EML1: variants seen among roughly 807,000 people sequenced by gnomAD.
The protein encoded by EML1 is EMAP like 1.
A neutral mutation model predicts 110.4 loss-of-function variants in EML1; 27 were observed. That is an observed-to-expected ratio of 0.24 (90% CI 0.18 to 0.34). The LOEUF is 0.34. EML1 is among the 10% of genes least tolerant of loss of function. EML1 has a pLI of 1.00. For synonymous variants in EML1, 344 were observed against 385.8 expected, an observed-to-expected ratio of 0.89 and a Z score of 1.27; for missense variants, 741 against 1,030.9, an observed-to-expected ratio of 0.72 and a Z score of 3.85.
At chr14:99,748,049 G>A (rs2057132706) in intron 1 of EML1, among the ~76,000 whole-genome samples, 1 of 152,212 alleles carries the variant, frequency 6.6e-6, no homozygotes, top group Admixed American at 6.5e-5. Context: ...TGGGTGCCTG[G>A]GAGGAGCCCC....
At chr14:99,850,349 A>C in intron 1 of EML1, 1 of 1,289,066 alleles carries the variant, frequency 7.8e-7, no homozygotes, top group Non-Finnish European at 1.0e-6. Flanking sequence ...AAATATGATT[A>C]CCATAATTGT....
At chr14:99,810,533 C>T (rs1394869236) in intron 1 of EML1, among the ~76,000 whole-genome samples, 2 of 152,188 alleles carry the variant, frequency 1.3e-5, no homozygotes, top group Admixed American at 6.5e-5. Context: ...TTCCAATCCT[C>T]GTGGCTTTTC....
At chr14:99,812,602 A>G (rs948977126) in intron 1 of EML1, among the ~76,000 whole-genome samples, 10 of 151,900 alleles carry the variant, frequency 6.6e-5, no homozygotes, top group African/African-American at 2.4e-4. Context: ...TGCCTGGCTC[A>G]GAGGTGTCTT....
intron 1 of EML1, among the ~76,000 whole-genome samples, chr14:99,831,991 G>C (rs994443581): frequency 6.6e-6 from 1 of 151,968 alleles, no homozygotes; most frequent in Admixed American, 6.6e-5. Context: ...CCACAATCAA[G>C]ATAATGAAGA....
chr14:99,759,922 C>A (rs2057296059), intron 1 of EML1, among the ~76,000 whole-genome samples: 1 of 151,894 alleles, frequency 6.6e-6, no homozygotes, highest in Non-Finnish European at 1.5e-5. Context: ...GCCTGACCAA[C>A]ATGATGAAAC....
chr14:99,877,485 G>A (rs1032474372), intron 3 of EML1, among the ~76,000 whole-genome samples: 5 of 152,116 alleles, frequency 3.3e-5, no homozygotes, highest in Admixed American at 6.5e-5. Context: ...TTCCATCTGT[G>A]TCATAACAAC....
At chr14:99,834,215 A>G (rs1403099153) in intron 1 of EML1, among the ~76,000 whole-genome samples, 1 of 152,070 alleles carries the variant, frequency 6.6e-6, no homozygotes, top group Non-Finnish European at 1.5e-5. Context: ...TGATATTTGA[A>G]TGTTAAACCA....
intron 3 of EML1, among the ~76,000 whole-genome samples, chr14:99,877,194 G>GA (rs987894768): frequency 2.0e-5 from 3 of 152,258 alleles, no homozygotes; most frequent in Non-Finnish European, 2.9e-5. Flanking sequence ...TCACATGGTG[G>GA]AAAAGGGTAA....
chr14:99,905,348 C>A lies in EML1; in HGVS notation c.1009-2290C>A, dbSNP rs551138937. On this transcript the variant is annotated intron_variant, in intron 9 of 21. Coordinates refer to ENST00000262233, the MANE Select transcript of EML1 (RefSeq NM_004434.3). This position sits in a 1 kb window ranked among gnomAD's most constrained non-coding sequence, Gnocchi z 4.1. The stretch of plus-strand genomic sequence containing the variant: ...CATCGTTGTTAATCCAGCCTCCAAC[C>A]AGGAGCTTCAACTTACGGTCTCTGG... 6.6e-6 allele frequency among the ~76,000 whole-genome samples: 1 copy of A among 152,198 alleles called. No homozygotes were observed. The highest frequency in any genetic ancestry group is 1.5e-5 in the Non-Finnish European group (1 of 68,044).
At chr14:99,766,459 G>T (rs1013356107) in intron 1 of EML1, among the ~76,000 whole-genome samples, 2 of 152,114 alleles carry the variant, frequency 1.3e-5, no homozygotes, top group Admixed American at 6.5e-5. Flanking sequence ...CTCCCAAATT[G>T]CTGGGATTAC....
At chr14:99,880,263 C>T (rs7161666) in intron 4 of EML1, among the ~76,000 whole-genome samples, 47 of 152,250 alleles carry the variant, frequency 3.1e-4, no homozygotes, top group African/African-American at 1.1e-3. Context: ...GTTACTGTCT[C>T]CTCTTAGGCA....
rs71113220 is a variant in EML1 at position 99,739,119 on chromosome 14, AGTGTGTGTGTGTGTGT to A, written c.28+1280_28+1295del. 1.2e-3 allele frequency among the ~76,000 whole-genome samples: 164 copies of A among 134,994 alleles called. 1 individual carries two copies. The highest frequency in any genetic ancestry group is 5.8e-4 in the Non-Finnish European group (37 of 63,480). The allele number at this position is 134,994 out of a possible 152,430, so 88.6% of individuals were successfully genotyped here. A position where few individuals can be genotyped will look rare whatever the true frequency, so the allele number is the denominator to read the frequency against. ...GAGAGAGAGACAGAGAGAGAGAGAG[AGTGTGTGTGTGTGTGT>A]GTGTGTGTGTGTGTGTGTGTTGGGG... On this transcript the variant is annotated intron_variant, in intron 1 of 10. Transcript: ENST00000554479.
intron 2 of EML1, among the ~76,000 whole-genome samples, chr14:99,863,737 A>C (rs143837494): frequency 6.6e-6 from 1 of 152,378 alleles, no homozygotes; most frequent in Admixed American, 6.5e-5. Flanking sequence ...CACCTATCAG[A>C]GGACATCTTG....
intron 17 of EML1, 81 bp from the exon 18 acceptor site, chr14:99,935,948 G>A (rs148956789): frequency 1.5e-6 from 2 of 1,310,500 alleles, no homozygotes; most frequent in Non-Finnish European, 2.2e-6. Context: ...CTAAATCTGT[G>A]GTGGCAGCTA....
upstream of EML1, among the ~76,000 whole-genome samples, chr14:99,769,341 T>C (rs759967047): frequency 7.2e-5 from 11 of 152,150 alleles, no homozygotes; most frequent in Non-Finnish European, 1.3e-4. Context: ...TTTTCTCCCA[T>C]CACAGGGCCC....
intron 1 of EML1, among the ~76,000 whole-genome samples, chr14:99,824,017 C>T (rs1011683872): frequency 1.3e-5 from 2 of 152,066 alleles, no homozygotes; most frequent in African/African-American, 2.4e-5. Context: ...AGTGCCGTGG[C>T]GCGATCTCGG....
At chr14:99,788,783 G>A (rs1967760), upstream of EML1, among the ~76,000 whole-genome samples, 1 of 152,000 alleles carries the variant, frequency 6.6e-6, no homozygotes, top group Non-Finnish European at 1.5e-5. Context: ...TCATTCCAAA[G>A]GGAAACTTTG....
rs569916184 is a variant in EML1 at position 99,914,731 on chromosome 14, C to T, written c.1752+34C>T. ...GCACATTACATTTCCATTTTTCTTACAGAAATTCATCTGGAACATGTTTAT... is the reference window on the plus strand; with the variant it reads ...GCACATTACATTTCCATTTTTCTTATAGAAATTCATCTGGAACATGTTTAT... On this transcript the variant is annotated intron_variant, in intron 15 of 21. Transcript: ENST00000262233. 6 of 1,578,490 alleles carry T rather than the reference C, an allele frequency of 3.8e-6. No homozygotes were observed. The African/African-American group carries it at 8.2e-5, about 21-fold the overall frequency.
chr14:99,939,871 G>C lies in EML1; in HGVS notation c.2323-116G>C, dbSNP rs1016508253. On this transcript the variant is annotated intron_variant, in intron 21 of 21. Coordinates refer to ENST00000262233, the MANE Select transcript of EML1 (RefSeq NM_004434.3). This position sits in a 1 kb window ranked among gnomAD's most constrained non-coding sequence, Gnocchi z 4.2. ...CAGAGCAGGTTCCCAAGTGAGAGCT[G>C]CCGAGCGGAGGGCGAGTAAAGGAAT... 1 of 1,326,634 alleles carries C rather than the reference G, an allele frequency of 7.5e-7. No homozygotes were observed. Among genetic ancestry groups the C allele is most frequent in the Admixed American group, 2.6e-5 (1 of 38,308 alleles). 82.2% of individuals were successfully genotyped at this position (1,326,634 alleles called of 1,614,324 possible). A position where few individuals can be genotyped will look rare whatever the true frequency, so the allele number is the denominator to read the frequency against.
Sources: allele counts gnomAD v4.1 joint callset (sites outside exome capture counted in the v4.1 genomes callset), GRCh38; gene constraint gnomAD v4.1.1; non-coding constraint Gnocchi (gnomAD v3.1); transcripts MANE v1.5; gene names NCBI Gene and HGNC (gene_info 2026-07-23, HGNC 2026-07-21).